EPHA6: variants seen among roughly 807,000 people sequenced by gnomAD.
EPHA6 encodes the protein ephrin type-A receptor 6.
A neutral mutation model predicts 112.0 loss-of-function variants in EPHA6; 50 were observed. The ratio of observed to expected loss-of-function variants is 0.45; its 90% confidence interval spans 0.36 to 0.56. EPHA6 has a LOEUF of 0.56. EPHA6 is among the 20% of genes least tolerant of loss of function. The pLI is 0.00. For missense variants in EPHA6, 1,280 were observed against 1,417.4 expected, an observed-to-expected ratio of 0.90 and a Z score of 1.56; for synonymous variants, 529 against 490.7, an observed-to-expected ratio of 1.08 and a Z score of -1.03.
intron 5 of EPHA6, among the ~76,000 whole-genome samples, chr3:97,332,754 C>CA (rs1294685278): frequency 6.6e-6 from 1 of 151,996 alleles, no homozygotes; most frequent in Non-Finnish European, 1.5e-5. Flanking sequence ...AAACTTTTGT[C>CA]AAAAATCACT....
chr3:96,958,151 G>A (rs531366797), intron 2 of EPHA6, among the ~76,000 whole-genome samples: 3 of 152,152 alleles, frequency 2.0e-5, no homozygotes, highest in African/African-American at 7.2e-5. Context: ...TTAGCCAGGC[G>A]TGGCGGGGCA....
chr3:97,268,373 TTGAATAA>T (rs2079768821), intron 5 of EPHA6, among the ~76,000 whole-genome samples: 1 of 152,176 alleles, frequency 6.6e-6, no homozygotes, highest in African/African-American at 2.4e-5. Flanking sequence ...ACAATGGGTG[TTGAATAA>T]GCTGACCCAT....
intron 5 of EPHA6, among the ~76,000 whole-genome samples, chr3:97,349,915 A>C (rs1433205872): frequency 6.6e-6 from 1 of 151,036 alleles, no homozygotes; most frequent in East Asian, 1.9e-4. Context: ...GGGCAGTAAC[A>C]CTCTTAGTTG....
At chr3:97,493,320 G>C (rs183056061) in intron 10 of EPHA6, among the ~76,000 whole-genome samples, 4 of 151,770 alleles carry the variant, frequency 2.6e-5, no homozygotes, top group African/African-American at 9.7e-5. Flanking sequence ...AGATTGGGTG[G>C]CTTAAAAGGC....
At chr3:97,154,441 C>A (rs192290913) in intron 3 of EPHA6, among the ~76,000 whole-genome samples, 5 of 152,120 alleles carry the variant, frequency 3.3e-5, no homozygotes, top group African/African-American at 9.6e-5. Flanking sequence ...AAACCAAGTT[C>A]ATTAACATAT....
intron 11 of EPHA6, among the ~76,000 whole-genome samples, chr3:97,534,865 C>T (rs1039239095): frequency 2.6e-5 from 4 of 151,952 alleles, no homozygotes; most frequent in African/African-American, 7.3e-5. Flanking sequence ...CATTTTAAAT[C>T]ACAATTTAAG....
chr3:97,172,797 T>C (rs1351758306), intron 3 of EPHA6, among the ~76,000 whole-genome samples: 1 of 152,008 alleles, frequency 6.6e-6, no homozygotes, highest in Non-Finnish European at 1.5e-5. Context: ...CTTTGAATAA[T>C]AGCATCATCA....
At chr3:97,247,801 G>C (rs886076657) in intron 5 of EPHA6, among the ~76,000 whole-genome samples, 3 of 151,808 alleles carry the variant, frequency 2.0e-5, no homozygotes, top group African/African-American at 7.2e-5. Flanking sequence ...GCCACAAATA[G>C]GGAAAAGAAG....
At chr3:97,289,369 T>A (rs1489521255) in intron 5 of EPHA6, among the ~76,000 whole-genome samples, 1 of 152,146 alleles carries the variant, frequency 6.6e-6, no homozygotes, top group Non-Finnish European at 1.5e-5. Flanking sequence ...TGTATTGAGT[T>A]CATCAAAGAA....
chr3:97,127,820 G>T (rs1281764467), intron 3 of EPHA6, among the ~76,000 whole-genome samples: 1 of 151,518 alleles, frequency 6.6e-6, no homozygotes. Flanking sequence ...ATCCCATCAG[G>T]ACCATTCTAT....
chr3:97,297,791 T>G (rs2080929107), intron 5 of EPHA6, among the ~76,000 whole-genome samples: 1 of 152,084 alleles, frequency 6.6e-6, no homozygotes. Flanking sequence ...TGAGACAGAG[T>G]CTCGCTCTGT....
At chr3:97,541,544 G>A (rs577651688) in intron 11 of EPHA6, among the ~76,000 whole-genome samples, 2 of 152,118 alleles carry the variant, frequency 1.3e-5, no homozygotes, top group African/African-American at 4.8e-5. Context: ...CCTTTTCGCT[G>A]CTCCAGGATC....
chr3:96,937,383 T>C (rs922380350), intron 2 of EPHA6, among the ~76,000 whole-genome samples: 19 of 152,266 alleles, frequency 1.2e-4, no homozygotes, highest in African/African-American at 3.9e-4. Flanking sequence ...TTTCATGTGT[T>C]TTTTGGCTGC....
intron 3 of EPHA6, among the ~76,000 whole-genome samples, chr3:97,171,036 GA>G (rs1245564665): frequency 6.6e-6 from 1 of 152,134 alleles, no homozygotes; most frequent in African/African-American, 2.4e-5. Flanking sequence ...ATAATGGACT[GA>G]AAAGGAGTGA....
At chr3:97,499,994 A>C (rs144065067) in intron 10 of EPHA6, among the ~76,000 whole-genome samples, 38 of 152,224 alleles carry the variant, frequency 2.5e-4, no homozygotes, top group African/African-American at 8.7e-4. Context: ...CTATAATAAC[A>C]CTCAGAATAA....
chr3:96,945,921 A>C (rs149266209), intron 2 of EPHA6, among the ~76,000 whole-genome samples: 1 of 152,102 alleles, frequency 6.6e-6, no homozygotes, highest in African/African-American at 2.4e-5. Flanking sequence ...TTAAAATACC[A>C]TGTGTCTACC....
intron 7 of EPHA6, among the ~76,000 whole-genome samples, chr3:97,465,399 A>T (rs1409468582): frequency 6.6e-6 from 1 of 152,100 alleles, no homozygotes; most frequent in Non-Finnish European, 1.5e-5. Flanking sequence ...CCTCACACAC[A>T]TGGCTTAAGG....
intron 14 of EPHA6, among the ~76,000 whole-genome samples, 168 bp downstream of exon 14, chr3:97,638,250 A>G (rs1337479355): frequency 2.0e-5 from 3 of 152,102 alleles, no homozygotes; most frequent in Admixed American, 6.6e-5. Flanking sequence ...TCTAGTTTAT[A>G]ACAACAACAA....
intron 5 of EPHA6, among the ~76,000 whole-genome samples, chr3:97,340,448 T>C (rs925037596): frequency 6.6e-6 from 1 of 152,228 alleles, no homozygotes; most frequent in Non-Finnish European, 1.5e-5. Flanking sequence ...TCTCAGCCTG[T>C]TGGCTTTTGC....
Sources: allele counts gnomAD v4.1 joint callset (sites outside exome capture counted in the v4.1 genomes callset), GRCh38; gene constraint gnomAD v4.1.1; transcripts MANE v1.5; gene names NCBI Gene and HGNC (gene_info 2026-07-23, HGNC 2026-07-21).